LARP7: variants seen among roughly 807,000 people sequenced by gnomAD.
The protein encoded by LARP7 is la-related protein 7.
LARP7 carries 52 observed loss-of-function variants against 69.3 expected under a neutral mutation model. The ratio of observed to expected loss-of-function variants is 0.75; its 90% confidence interval spans 0.60 to 0.95. The LOEUF is 0.95. Ranked by LOEUF, LARP7 falls within the 40% of genes least tolerant of loss-of-function variation. The probability of loss-of-function intolerance (pLI) is 0.00; values close to 1 mark genes in which losing one functional copy is unlikely to be tolerated. For synonymous variants in LARP7, 254 were observed against 215.9 expected (o/e 1.18, Z -1.55); for missense variants, 733 against 673.0 (o/e 1.09, Z -0.99).
At chr4:112,649,708 G>C in intron 9 of LARP7, 22 bp downstream of exon 9, 1 of 1,538,646 alleles carries the variant, frequency 6.5e-7, no homozygotes, top group Admixed American at 1.9e-5. Context: ...TGATAGTTTT[G>C]ACAACATTAT....
At chr4:112,654,027 GTTC>G (rs760297312) in intron 11 of LARP7, 38 bp from the exon 12 acceptor site, 29 of 1,414,472 alleles carry the variant, frequency 2.1e-5, no homozygotes, top group South Asian at 7.0e-5. Flanking sequence ...TTTCAGATAT[GTTC>G]TTCTTTTCAT....
chr4:112,647,142 A>G lies in LARP7; in HGVS notation c.646+15A>G, dbSNP rs768988398. ...AAGAGTTGTGGGTGAGTATTTTTCA[A>G]TATTTAAATAGGTGTAGTTGAAGTA... On this transcript the variant is annotated intron_variant, in intron 6 of 12. Coordinates refer to ENST00000344442, the MANE Select transcript of LARP7 (RefSeq NM_016648.4). The G allele has an allele frequency of 1.9e-6, 3 of 1,599,748 alleles. No homozygotes were observed. Among genetic ancestry groups the G allele is most frequent in the Admixed American group, 1.8e-5 (1 of 55,852 alleles).
Position 112,652,305 on chromosome 4 carries a change from C to G in LARP7, c.1417-772C>G, listed in dbSNP as rs865989218. Among the ~76,000 whole-genome samples the G allele has an allele frequency of 5.7e-3, 798 of 140,502 alleles. 11 individuals carry two copies. The highest frequency in any genetic ancestry group is 0.02 in the African/African-American group (746 of 37,478). The allele number at this position is 140,502 out of a possible 152,430, so 92.2% of individuals were successfully genotyped here. A position where few individuals can be genotyped will look rare whatever the true frequency, so the allele number is the denominator to read the frequency against. On this transcript the variant is annotated intron_variant, in intron 10 of 12. Coordinates refer to ENST00000344442, the MANE Select transcript of LARP7 (RefSeq NM_016648.4). ...GATAAATAAGATTTCCCCCCCCCCC[C>G]CATTTAGCAATCTCCAGTTACTTCT...
chr4:112,644,574 A>G (rs2048090742), intron 1 of LARP7, 94 bp from the exon 2 acceptor site: 4 of 1,061,044 alleles, frequency 3.8e-6, no homozygotes, highest in Non-Finnish European at 3.9e-6. Flanking sequence ...TGAGTCCATT[A>G]TTCTCTCAGA....
chr4:112,654,245 C>G (rs2048870843), intron 12 of LARP7, 86 bp downstream of exon 12: 1 of 936,742 alleles, frequency 1.1e-6, no homozygotes, highest in Non-Finnish European at 1.7e-6. Flanking sequence ...ATAAAATGAT[C>G]GTAGTTTTGC....
intron 12 of LARP7, chr4:112,654,793 A>G (rs2048890496): frequency 6.6e-6 from 1 of 152,216 alleles, no homozygotes; most frequent in Non-Finnish European, 1.5e-5. Context: ...ACAAATTATT[A>G]TACATGTAAA....
chr4:112,645,080 G>T (rs1292009372), intron 2 of LARP7, among the ~76,000 whole-genome samples: 1 of 150,276 alleles, frequency 6.7e-6, no homozygotes, highest in Non-Finnish European at 1.5e-5. Flanking sequence ...CCGAGTAGGT[G>T]GGACTACAGG....
Position 112,647,208 on chromosome 4 carries a change from AAAAG to A in LARP7, c.660_663del (p.Lys221ArgfsTer7), listed in dbSNP as rs1341605079. The A allele has an allele frequency of 6.3e-7, 1 of 1,588,932 alleles. No homozygotes were observed. The highest frequency in any genetic ancestry group is 8.5e-7 in the Non-Finnish European group (1 of 1,173,190). ...GATGGCACTTTTACAGAAGAGAAGA[AAAAG>A]AAAAAGAAGAAGAAAGGCCGAATGA... is the stretch of plus-strand genomic sequence containing the variant. On this transcript the variant is annotated frameshift_variant, in exon 7 of 13. Coordinates refer to ENST00000344442, the MANE Select transcript of LARP7 (RefSeq NM_016648.4). LOFTEE classifies it high-confidence loss of function.
chr4:112,650,620 T>C, intron 10 of LARP7, 38 bp downstream of exon 10: 1 of 1,571,978 alleles, frequency 6.4e-7, no homozygotes, highest in South Asian at 1.2e-5. Flanking sequence ...TGTTCCTTTC[T>C]TCTCTTATTA....
chr4:112,652,292 TTCC>T (rs533963836), intron 10 of LARP7, among the ~76,000 whole-genome samples: 3,384 of 122,782 alleles, frequency 0.028, 203 homozygotes, highest in African/African-American at 0.12. Context: ...TAAATAAGAT[TTCC>T]CCCCCCCCCC....
intron 1 of LARP7, among the ~76,000 whole-genome samples, chr4:112,641,429 A>G (rs2047959805): frequency 6.6e-6 from 1 of 152,034 alleles, no homozygotes; most frequent in Admixed American, 6.6e-5. Context: ...AGTTTGTGTA[A>G]GGAATTGGCA....
chr4:112,654,008 A>C (rs1049371833), intron 11 of LARP7, 60 bp from the exon 12 acceptor site: 6 of 1,212,926 alleles, frequency 4.9e-6, no homozygotes, highest in Admixed American at 1.8e-5. Context: ...TAATGCCTTG[A>C]ATATGGTTTT....
Position 112,646,676 on chromosome 4 carries a change from G to C in LARP7, c.387+5G>C, listed in dbSNP as rs753688074. On this transcript the variant is annotated splice_donor_5th_base_variant and intron_variant, in intron 4 of 12. Transcript: ENST00000344442. ...GATGAACGCACAGTGTATGTGGTAAGCTTAAGAACCCGGGTCCCCAGTCAG... is the reference window on the plus strand; with the variant it reads ...GATGAACGCACAGTGTATGTGGTAACCTTAAGAACCCGGGTCCCCAGTCAG... 1 of 1,590,476 alleles carries C rather than the reference G, an allele frequency of 6.3e-7. No individual in the cohort carries two copies. The highest frequency in any genetic ancestry group is 8.5e-7 in the Non-Finnish European group (1 of 1,171,268).
Position 112,647,979 on chromosome 4 carries a change from G to T in LARP7, c.1142+145G>T, listed in dbSNP as rs13136737. 350,125 of 736,072 alleles carry T rather than the reference G, an allele frequency of 0.48. 88,130 individuals are homozygous for T. The highest frequency in any genetic ancestry group is 0.54 in the Admixed American group (30,707 of 56,766). 45.6% of individuals were successfully genotyped at this position (736,072 alleles called of 1,614,324 possible). ...AACTGCACACAGTGTGGGCGTTAAC[G>T]CAATTGCTGATTAGGTAGGAACCAC... is the stretch of plus-strand genomic sequence containing the variant. On this transcript the variant is annotated intron_variant, in intron 8 of 12. Coordinates refer to ENST00000344442, the MANE Select transcript of LARP7 (RefSeq NM_016648.4).
rs1033695802 is a variant in LARP7, at chr4:112,637,208, T to A, written c.-34T>A. On this transcript the variant is annotated 5_prime_UTR_variant, in exon 1 of 13. Coordinates refer to ENST00000344442, the MANE Select transcript of LARP7 (RefSeq NM_016648.4). ...AGACGGAAATGTCCGAAGGCCGCAGTACTTGACCCTGTATTTTGGGAGTCG... is the reference window on the plus strand; with the variant it reads ...AGACGGAAATGTCCGAAGGCCGCAGAACTTGACCCTGTATTTTGGGAGTCG... 1 of 152,358 alleles carries A rather than the reference T, an allele frequency of 6.6e-6. No individual in the cohort carries two copies. Among genetic ancestry groups the A allele is most frequent in the Middle Eastern group, 3.4e-3 (1 of 294 alleles). 9.4% of individuals were successfully genotyped at this position (152,358 alleles called of 1,614,324 possible).
At chr4:112,651,391 A>G (rs2048728873) in intron 10 of LARP7, among the ~76,000 whole-genome samples, 1 of 152,058 alleles carries the variant, frequency 6.6e-6, no homozygotes, top group Non-Finnish European at 1.5e-5. Context: ...ACAAATTTTG[A>G]TCCTCTTTGC....
At chr4:112,642,536 T>C (rs1284709858) in intron 1 of LARP7, among the ~76,000 whole-genome samples, 2 of 152,212 alleles carry the variant, frequency 1.3e-5, no homozygotes, top group Non-Finnish European at 2.9e-5. Flanking sequence ...TTTCTGTTAC[T>C]ATCAGCAGCA....
rs561244297 is a variant in LARP7, at chr4:112,644,501, T to A, written c.-2-167T>A. The A allele has an allele frequency of 2.6e-4, 288 of 1,108,888 alleles. No homozygotes were observed. In the African/African-American group the frequency reaches 4.5e-3, roughly 17 times the overall value. The allele number at this position is 1,108,888 out of a possible 1,614,324, so 68.7% of individuals were successfully genotyped here. A position where few individuals can be genotyped will look rare whatever the true frequency, so the allele number is the denominator to read the frequency against. On this transcript the variant is annotated intron_variant, in intron 1 of 12. Transcript: ENST00000344442. ...CCTAACATAGAAGGTAAATTATTTT[T>A]AAATTTAATTTATTAAATATAAAAA...
At chr4:112,656,533 AGTATG>A (rs1218467037) in intron 12 of LARP7, among the ~76,000 whole-genome samples, 2 of 152,256 alleles carry the variant, frequency 1.3e-5, no homozygotes, top group Non-Finnish European at 2.9e-5. Flanking sequence ...AAATCTTTGT[AGTATG>A]CCCTATGATT....
Sources: gnomAD v4.1 joint callset for allele counts (sites outside exome capture counted in the v4.1 genomes callset) on GRCh38, gnomAD v4.1.1 for gene constraint, MANE v1.5 for transcripts, NCBI Gene and HGNC (gene_info 2026-07-23, HGNC 2026-07-21) for gene names.